Variants in GPC1 observed in about 807,000 individuals in gnomAD.
GPC1 encodes glypican 1, also known as glypican-1.
GPC1 carries 26 observed loss-of-function variants against 51.5 expected under a neutral mutation model. The observed-to-expected ratio is 0.50, with a 90% confidence interval of 0.37 to 0.70. The LOEUF (loss-of-function observed/expected upper bound fraction) is 0.70, where lower values mean the gene tolerates loss of function less well. Ranked by LOEUF, GPC1 falls within the 30% of genes least tolerant of loss-of-function variation. The probability of loss-of-function intolerance (pLI) is 0.00; values close to 1 mark genes in which losing one functional copy is unlikely to be tolerated. For missense variants in GPC1, 775 were observed against 800.5 expected (o/e 0.97, Z 0.38); for synonymous variants, 380 against 348.3 (o/e 1.09, Z -1.01).
intron 2 of GPC1, among the ~76,000 whole-genome samples, chr2:240,459,768 T>A (rs770901224): frequency 1.3e-5 from 2 of 152,118 alleles, no homozygotes; most frequent in African/African-American, 2.4e-5. Context: ...AGCCACGTAC[T>A]CCTCGGCCCA....
At chr2:240,456,346 C>T (rs923507926) in intron 1 of GPC1, among the ~76,000 whole-genome samples, 1 of 152,012 alleles carries the variant, frequency 6.6e-6, no homozygotes, top group Non-Finnish European at 1.5e-5. Context: ...TCCGCCGGGA[C>T]CTCGCGAGGG....
At position 240,466,079 on chromosome 2, in the gene GPC1, G is replaced by A. The variant is rs1474759506; in HGVS notation, c.1466G>A (p.Gly489Asp). The stretch of plus-strand genomic sequence containing the variant: ...CCAGGTGACGACGGCAGCGGCTCGG[G>A]CAGCGGTGATGGCTGTCTGGATGAC... ...QDASDDGSGS[G>D]SGDGCLDDLC... Residue 489 changes from glycine (G) to aspartate (D), a missense_variant, in exon 9 of 9, where the codon GGC becomes GAC. By Grantham distance (94) the Gly-to-Asp change is moderately conservative. Transcript: ENST00000264039. The A allele has an allele frequency of 1.9e-6, 3 of 1,611,388 alleles. No individual in the cohort carries two copies. The East Asian group carries it at 6.7e-5, about 36-fold the overall frequency.
At chr2:240,459,615 G>A (rs1412994772) in intron 2 of GPC1, among the ~76,000 whole-genome samples, 2 of 152,300 alleles carry the variant, frequency 1.3e-5, no homozygotes, top group East Asian at 3.9e-4. Context: ...TGCAAGGGCT[G>A]AGACTGGGGC....
In GPC1 at chr2:240,465,490, T is replaced by A; in HGVS notation, c.1286T>A (p.Met429Lys). 6.2e-7 allele frequency: 1 copy of A among 1,613,056 alleles called. No individual in the cohort carries two copies. Among genetic ancestry groups the A allele is most frequent in the Non-Finnish European group, 8.5e-7 (1 of 1,179,964 alleles). ...MARGRYLPEV[M>K]GDGLANQINN... ...TCCCCCAGGTACCTCCCCGAGGTCA[T>A]GGGTGACGGCCTGGCCAACCAGATC... Residue 429 changes from methionine to lysine, a missense_variant, in exon 8 of 9, where the codon ATG becomes AAG. Met to Lys is a moderately conservative substitution (Grantham distance 95). Coordinates refer to ENST00000264039, the MANE Select transcript of GPC1 (RefSeq NM_002081.3).
chr2:240,463,727 G>T, intron 4 of GPC1: 2 of 575,518 alleles, frequency 3.5e-6, no homozygotes, highest in South Asian at 4.3e-5. Context: ...CAGCTGCCAG[G>T]GAGGGAGCCC....
chr2:240,449,857 C>T (rs1420999697), intron 1 of GPC1: 7 of 470,586 alleles, frequency 1.5e-5, no homozygotes, highest in Admixed American at 7.0e-5. Context: ...CAAGGTTCCT[C>T]CACGCCGGAG....
intron 1 of GPC1, among the ~76,000 whole-genome samples, chr2:240,444,853 T>G (rs1377269034): frequency 1.3e-5 from 2 of 152,000 alleles, no homozygotes; most frequent in Non-Finnish European, 2.9e-5. Context: ...CGTCCAAGTG[T>G]CTCCTCAAGA....
rs1419971463 is a variant in GPC1, at chr2:240,467,217, C to T, written c.*927C>T. The T allele has an allele frequency of 6.6e-6, 1 of 152,336 alleles. No individual in the cohort carries two copies. The highest frequency in any genetic ancestry group is 2.4e-5 in the African/African-American group (1 of 41,466). 9.4% of individuals were successfully genotyped at this position (152,336 alleles called of 1,614,324 possible). A position where few individuals can be genotyped will look rare whatever the true frequency, so the allele number is the denominator to read the frequency against. The stretch of plus-strand genomic sequence containing the variant: ...CTGTTCACGGTGACACAGGTCAGGG[C>T]TCAGAGTGACCCTCAGCTGTCACCT... On this transcript the variant is annotated 3_prime_UTR_variant, in exon 9 of 9. Coordinates refer to ENST00000264039, the MANE Select transcript of GPC1 (RefSeq NM_002081.3).
intron 1 of GPC1, chr2:240,456,590 C>T (rs929184597): frequency 2.1e-6 from 1 of 470,606 alleles, no homozygotes; most frequent in African/African-American, 2.0e-5. Context: ...ACTGCCCAGC[C>T]CATTACCATC....
chr2:240,452,870 C>G (rs930045207), intron 1 of GPC1: 8 of 220,402 alleles, frequency 3.6e-5, no homozygotes, highest in Non-Finnish European at 7.3e-5. Flanking sequence ...CCCGCGCGCC[C>G]GGCGGACCGC....
At chr2:240,455,547 C>T (rs2151792986) in intron 1 of GPC1, among the ~76,000 whole-genome samples, 1 of 152,172 alleles carries the variant, frequency 6.6e-6, no homozygotes, top group East Asian at 1.9e-4. Flanking sequence ...GGAGAAAGGC[C>T]AGGAAGGAGA....
At chr2:240,456,845 G>T in intron 1 of GPC1, 1 of 313,106 alleles carries the variant, frequency 3.2e-6, no homozygotes, top group Non-Finnish European at 6.6e-6. Context: ...GAGTGTACCT[G>T]TGTCCCAGTC....
At chr2:240,455,717 G>A (rs1248331524) in intron 1 of GPC1, among the ~76,000 whole-genome samples, 1 of 152,198 alleles carries the variant, frequency 6.6e-6, no homozygotes, top group Non-Finnish European at 1.5e-5. Context: ...TCTCCATTCA[G>A]AAAGGCCCCA....
In GPC1 at chr2:240,462,237, C is replaced by T; in HGVS notation, c.372C>T (p.Ala124=). ...LLNDSERTLQ[A]TFPGAFGELY... ...ACGACTCGGAGCGGACGCTGCAGGC[C>T]ACCTTCCCCGGCGCCTTCGGAGAGC... Residue 124 remains alanine (A), a synonymous_variant, in exon 3 of 9, where the codon GCC becomes GCT. Transcript: ENST00000264039. 6.2e-7 allele frequency: 1 copy of T among 1,610,372 alleles called. No individual in the cohort carries two copies. The highest frequency in any genetic ancestry group is 2.2e-5 in the East Asian group (1 of 44,790).
intron 8 of GPC1, 55 bp downstream of exon 8, chr2:240,465,703 CAG>C: frequency 6.6e-7 from 1 of 1,505,936 alleles, no homozygotes; most frequent in Non-Finnish European, 9.2e-7. Flanking sequence ...GGGGGTGCCA[CAG>C]GGGTGTGACT....
intron 2 of GPC1, among the ~76,000 whole-genome samples, chr2:240,461,951 G>A (rs959305747): frequency 6.6e-6 from 1 of 152,046 alleles, no homozygotes; most frequent in Non-Finnish European, 1.5e-5. Context: ...CCAGTCAGAG[G>A]CCCTGAGACC....
intron 1 of GPC1, among the ~76,000 whole-genome samples, chr2:240,443,823 A>T (rs1278597340): frequency 1.3e-5 from 2 of 152,142 alleles, no homozygotes; most frequent in Non-Finnish European, 2.9e-5. Context: ...GGGGCTGTCT[A>T]CCGGGTGGGC....
chr2:240,446,889 C>A (rs1414756114), intron 1 of GPC1, among the ~76,000 whole-genome samples: 1 of 152,172 alleles, frequency 6.6e-6, no homozygotes, highest in Non-Finnish European at 1.5e-5. Flanking sequence ...TGTGGAGAGA[C>A]CTGCCTGAGG....
Position 240,465,107 on chromosome 2 carries a change from G to T in GPC1, c.1165G>T (p.Val389Phe). 6.2e-7 allele frequency: 1 copy of T among 1,610,972 alleles called. No individual in the cohort carries two copies. Among genetic ancestry groups the T allele is most frequent in the Non-Finnish European group, 8.5e-7 (1 of 1,179,264 alleles). The part of the protein sequence containing the change: ...VSEAKAQLRD[V>F]QDFWISLPGT... The stretch of plus-strand genomic sequence containing the variant: ...CGAAGCCAAGGCCCAGCTCCGCGAC[G>T]TCCAGGACTTCTGGATCAGCCTCCC... The change falls in exon 7 of 9, where the codon GTC becomes TTC. Residue 389 changes from valine (V) to phenylalanine (F), a missense_variant. By Grantham distance (50) the Val-to-Phe change is conservative (BLOSUM62 -1). Coordinates refer to ENST00000264039, the MANE Select transcript of GPC1 (RefSeq NM_002081.3).
Sources: allele counts gnomAD v4.1 joint callset (sites outside exome capture counted in the v4.1 genomes callset), GRCh38; gene constraint gnomAD v4.1.1; transcripts MANE v1.5; gene names NCBI Gene and HGNC (gene_info 2026-07-23, HGNC 2026-07-21).